The following HECTD4 variants were observed in gnomAD, a reference collection of about 807,000 sequenced individuals.
HECTD4 encodes HECT domain E3 ubiquitin protein ligase 4.
In HECTD4, 114 loss-of-function variants were observed where a neutral mutation model predicts 471.5. The observed-to-expected ratio is 0.24, with a 90% CI of 0.21 to 0.28. HECTD4 has a LOEUF of 0.28. HECTD4 is among the 10% of genes least tolerant of loss of function. The pLI is 1.00. For synonymous variants in HECTD4, 2,012 were observed against 2,256.0 expected (o/e 0.89, Z 3.07); for missense variants, 3,866 against 5,651.5 (o/e 0.68, Z 10.13).
At chr12:112,347,491 CAG>C (rs2036176527) in intron 1 of HECTD4, among the ~76,000 whole-genome samples, 1 of 152,030 alleles carries the variant, frequency 6.6e-6, no homozygotes, top group Non-Finnish European at 1.5e-5. Flanking sequence ...GCCTGGGAGT[CAG>C]AGAGAGACCC....
chr12:112,278,591 A>G (rs969604368), intron 9 of HECTD4, among the ~76,000 whole-genome samples: 2 of 152,242 alleles, frequency 1.3e-5, no homozygotes, highest in African/African-American at 4.8e-5. Flanking sequence ...TATGTATTTT[A>G]ATAGCTTTGA....
At chr12:112,261,483 C>T (rs552313866) in intron 17 of HECTD4, 54 bp from the exon 18 acceptor site, 11 of 1,483,314 alleles carry the variant, frequency 7.4e-6, no homozygotes, top group East Asian at 6.9e-5. Flanking sequence ...AACATACGTT[C>T]ACAATGACAA....
intron 17 of HECTD4, among the ~76,000 whole-genome samples, chr12:112,263,113 T>C (rs1279450345): frequency 6.6e-6 from 1 of 152,186 alleles, no homozygotes; most frequent in African/African-American, 2.4e-5. Context: ...GATGTTATTG[T>C]CCCTTTTTAC....
intron 72 of HECTD4, among the ~76,000 whole-genome samples, chr12:112,165,259 G>A (rs978466088): frequency 1.3e-5 from 2 of 150,086 alleles, no homozygotes; most frequent in African/African-American, 4.9e-5. Context: ...TCAGAGGCCT[G>A]AGACCAATAC....
In HECTD4 at chr12:112,235,932, A is replaced by C. The variant is rs1005987323; in HGVS notation, c.5445-148T>G. The C allele has an allele frequency of 1.1e-5, 8 of 710,554 alleles. No homozygotes were observed. In the African/African-American group the frequency reaches 1.4e-4, roughly 13 times the overall value. 44.0% of individuals were successfully genotyped at this position (710,554 alleles called of 1,614,324 possible). ...GGCACTATGCTTCTGTGAAGAATTA[A>C]GAATTTTGGAAACATTTGATGAAAC... On this transcript the variant is annotated intron_variant, in intron 35 of 75. Coordinates refer to ENST00000682272, the MANE Select transcript of HECTD4 (RefSeq NM_001388303.1). This position sits in a 1 kb window ranked among gnomAD's most constrained non-coding sequence, Gnocchi z 5.0.
chr12:112,345,869 T>G (rs1455016088), intron 1 of HECTD4, among the ~76,000 whole-genome samples: 1 of 152,180 alleles, frequency 6.6e-6, no homozygotes, highest in African/African-American at 2.4e-5. Context: ...CACTCCAGCC[T>G]GGGCGATAGA....
At position 112,228,307 on chromosome 12, in the gene HECTD4, TTTATA is replaced by T. The variant is rs2033292660; in HGVS notation, c.6685-54_6685-50del. The T allele has an allele frequency of 2.0e-6, 3 of 1,483,770 alleles. No homozygotes were observed. The South Asian group carries it at 4.3e-5, about 21-fold the overall frequency. The allele number at this position is 1,483,770 out of a possible 1,614,324, so 91.9% of individuals were successfully genotyped here. On this transcript the variant is annotated intron_variant, in intron 42 of 75. Coordinates refer to ENST00000682272, the MANE Select transcript of HECTD4 (RefSeq NM_001388303.1). This position sits in a 1 kb window ranked among gnomAD's most constrained non-coding sequence, Gnocchi z 4.9. ...CAAAAAGTTAAATTCAAGTAGTTAG[TTTATA>T]AGAAATGAGGGTGTTATTATTATCT... is the stretch of plus-strand genomic sequence containing the variant.
chr12:112,259,229 C>T lies in HECTD4; in HGVS notation c.2910G>A (p.Met970Ile). ...GTAACACTGGAAGAAGGTGACCAAG[C>T]ATAGTAGCCTTAGTAACTTGTTCCA... ...KGLEQVTKAT[M>I]LGHLLPVLLT... The change falls in exon 19 of 76, where the codon ATG becomes ATA. Residue 970 changes from methionine to isoleucine, a missense_variant. Physicochemically the swap from Met to Ile is conservative, Grantham distance 10. Coordinates refer to ENST00000682272, the MANE Select transcript of HECTD4 (RefSeq NM_001388303.1). The T allele has an allele frequency of 3.7e-6, 6 of 1,613,940 alleles. No individual in the cohort carries two copies. The highest frequency in any genetic ancestry group is 4.2e-6 in the Non-Finnish European group (5 of 1,179,856).
Position 112,193,600 on chromosome 12 carries a change from C to A in HECTD4, c.8824G>T (p.Ala2942Ser). Residue 2942 changes from alanine (A) to serine (S), a missense_variant, in exon 57 of 76, where the codon GCC becomes TCC. Ala to Ser is a moderately conservative substitution (Grantham distance 99). Around this residue, in one of 16 missense-constraint regions of HECTD4, gnomAD observed 364 missense variants for 413.2 expected, o/e 0.88. Coordinates refer to ENST00000682272, the MANE Select transcript of HECTD4 (RefSeq NM_001388303.1). The surrounding 1 kb of genome is among the most constrained non-coding windows in gnomAD (Gnocchi z 5.2). The stretch of plus-strand genomic sequence containing the variant: ...TTGCCCTGGTAAAAGAGGTCCGTGG[C>A]GGAGCAGTTCTGGGAATGGATGCAA... The part of the protein sequence containing the change: ...QHCIHSQNCS[A>S]TDLFYQGNSQ... 6.2e-7 allele frequency: 1 copy of A among 1,612,980 alleles called. No individual in the cohort carries two copies. Among genetic ancestry groups the A allele is most frequent in the South Asian group, 1.1e-5 (1 of 90,684 alleles).
intron 7 of HECTD4, among the ~76,000 whole-genome samples, chr12:112,286,228 G>A (rs2034749821): frequency 6.6e-6 from 1 of 152,214 alleles, no homozygotes; most frequent in East Asian, 1.9e-4. Context: ...GCTGGGAGGA[G>A]TGAGAAGCAG....
chr12:112,263,707 T>TATATA (rs1566091576), intron 17 of HECTD4, among the ~76,000 whole-genome samples: 2,085 of 137,436 alleles, frequency 0.015, 80 homozygotes, highest in Admixed American at 0.097. Context: ...CCCAAGATTT[T>TATATA]TATATATATA....
intron 7 of HECTD4, chr12:112,302,313 T>A: frequency 2.6e-6 from 2 of 767,652 alleles, no homozygotes; most frequent in South Asian, 2.8e-5. Flanking sequence ...GCAGCTTTCT[T>A]CTCAGCCTGG....
intron 1 of HECTD4, among the ~76,000 whole-genome samples, chr12:112,343,827 TA>T: frequency 6.6e-6 from 1 of 152,112 alleles, no homozygotes; most frequent in South Asian, 2.1e-4. Flanking sequence ...GGAGAAGGGC[TA>T]AATCACCTGT....
rs1022204895 is a variant in HECTD4 at position 112,381,178 on chromosome 12, C to A, written c.177+774G>T. Among the ~76,000 whole-genome samples, 3 of 152,190 alleles carry A rather than the reference C, an allele frequency of 2.0e-5. No individual in the cohort carries two copies. The highest frequency in any genetic ancestry group is 2.0e-4 in the Admixed American group (3 of 15,278). On this transcript the variant is annotated intron_variant, in intron 1 of 75. Coordinates refer to ENST00000682272, the MANE Select transcript of HECTD4 (RefSeq NM_001388303.1). The surrounding 1 kb of genome is among the most constrained non-coding windows in gnomAD (Gnocchi z 4.1). ...TCCCACCAACCAGGCATATTTGGTTCCCTTCTGCCCCCAAGGCCAAGCAGC... is the reference window on the plus strand; with the variant it reads ...TCCCACCAACCAGGCATATTTGGTTACCTTCTGCCCCCAAGGCCAAGCAGC...
At chr12:112,284,822 GTTTGTTTCTT>G (rs2034716734) in intron 7 of HECTD4, among the ~76,000 whole-genome samples, 1 of 151,916 alleles carries the variant, frequency 6.6e-6, no homozygotes, top group East Asian at 1.9e-4. Flanking sequence ...CACAAGCCTG[GTTTGTTTCTT>G]TTTGTTTCTT....
At chr12:112,172,945 C>G in intron 66 of HECTD4, 84 bp from the exon 67 acceptor site, 1 of 1,210,420 alleles carries the variant, frequency 8.3e-7, no homozygotes, top group Non-Finnish European at 1.2e-6. Flanking sequence ...AGAGCCCTGT[C>G]CTCAGCTCCT....
At chr12:112,261,654 G>T in intron 17 of HECTD4, 1 of 425,626 alleles carries the variant, frequency 2.3e-6, no homozygotes, top group Non-Finnish European at 4.3e-6. Context: ...CTGGAGAGCT[G>T]ACAGAAATAC....
intron 1 of HECTD4, among the ~76,000 whole-genome samples, chr12:112,359,403 T>C (rs888112661): frequency 1.3e-5 from 2 of 152,094 alleles, no homozygotes; most frequent in South Asian, 2.1e-4. Context: ...TCAGACTCTA[T>C]GTCTACATAT....
rs759425154 is a variant in HECTD4, at chr12:112,243,417, C to A, written c.4894G>T (p.Val1632Leu). The change falls in exon 32 of 76, where the codon GTA becomes TTA. Residue 1632 changes from valine (V) to leucine (L), a missense_variant. By Grantham distance (32) the Val-to-Leu change is conservative. Around this residue, in one of 16 missense-constraint regions of HECTD4, gnomAD observed 229 missense variants for 386.4 expected, o/e 0.59. Transcript: ENST00000682272. The surrounding 1 kb of genome is among the most constrained non-coding windows in gnomAD (Gnocchi z 6.6). ...VHMRELLTAA[V>L]RVGGVTHLVG... ...AGATGCGTCACTCCCCCGACTCGTACGGCAGCTGTCAGCAATTCCCGCATG... is the reference window on the plus strand; with the variant it reads ...AGATGCGTCACTCCCCCGACTCGTAAGGCAGCTGTCAGCAATTCCCGCATG... 4 of 1,612,308 alleles carry A rather than the reference C, an allele frequency of 2.5e-6. No individual in the cohort carries two copies. Among genetic ancestry groups the A allele is most frequent in the Admixed American group, 3.3e-5 (2 of 59,808 alleles).
Sources: gnomAD v4.1 joint callset for allele counts (sites outside exome capture counted in the v4.1 genomes callset) on GRCh38, gnomAD v4.1.1 for gene constraint, gnomAD v4.1.1 regional missense constraint, Gnocchi (gnomAD v3.1) non-coding constraint, MANE v1.5 for transcripts, NCBI Gene and HGNC (gene_info 2026-07-23, HGNC 2026-07-21) for gene names.